The following MRPL3 variants were observed in gnomAD, a reference collection of about 807,000 sequenced individuals.
The protein encoded by MRPL3 is mitochondrial ribosomal protein L3, also known as large ribosomal subunit protein uL3m.
A neutral mutation model predicts 44.3 loss-of-function variants in MRPL3; 43 were observed. The observed-to-expected ratio is 0.97, with a 90% confidence interval of 0.76 to 1.25. The LOEUF (loss-of-function observed/expected upper bound fraction) is 1.25, where lower values mean the gene tolerates loss of function less well. MRPL3 is among the 50% of genes most tolerant of loss of function. The pLI, the probability that MRPL3 is intolerant of heterozygous loss-of-function variation, is 0.00. For synonymous variants in MRPL3, 171 were observed against 152.3 expected (o/e 1.12, Z -0.91); for missense variants, 406 against 427.6 (o/e 0.95, Z 0.45).
intron 6 of MRPL3, among the ~76,000 whole-genome samples, chr3:131,478,098 C>A (rs1933895807): frequency 6.6e-6 from 1 of 152,166 alleles, no homozygotes; most frequent in Non-Finnish European, 1.5e-5. Flanking sequence ...GCTGTAATGG[C>A]AGAATAAGTT....
In MRPL3 at chr3:131,470,782, T is replaced by C. The variant is rs541333337; in HGVS notation, c.738+389A>G. ...CCATTTTCATACTTTAACGCCCTTTTCCAACAGTGAGAAACCTAGCTCCAT... is the reference window on the plus strand; with the variant it reads ...CCATTTTCATACTTTAACGCCCTTTCCCAACAGTGAGAAACCTAGCTCCAT... On this transcript the variant is annotated intron_variant, in intron 7 of 9. Coordinates refer to ENST00000264995, the MANE Select transcript of MRPL3 (RefSeq NM_007208.4). Among the ~76,000 whole-genome samples, 9 of 152,272 alleles carry C rather than the reference T, an allele frequency of 5.9e-5. No individual in the cohort carries two copies. In the South Asian group the frequency reaches 1.2e-3, roughly 21 times the overall value.
intron 4 of MRPL3, among the ~76,000 whole-genome samples, chr3:131,496,762 T>A (rs1158345713): frequency 6.6e-6 from 1 of 152,210 alleles, no homozygotes; most frequent in Non-Finnish European, 1.5e-5. Context: ...TTCTATCAGA[T>A]TTTTAAAATT....
At chr3:131,499,720 G>A (rs1342399637) in intron 3 of MRPL3, among the ~76,000 whole-genome samples, 1 of 150,454 alleles carries the variant, frequency 6.6e-6, no homozygotes, top group Non-Finnish European at 1.5e-5. Flanking sequence ...TCTCTTACCA[G>A]TATCTTTCTA....
intron 6 of MRPL3, among the ~76,000 whole-genome samples, chr3:131,472,265 A>T (rs969720808): frequency 2.0e-5 from 3 of 152,222 alleles, no homozygotes; most frequent in Non-Finnish European, 1.5e-5. Context: ...GGTTGAGAAG[A>T]AACAAATGGA....
At chr3:131,467,255 T>C (rs199978992) in intron 9 of MRPL3, among the ~76,000 whole-genome samples, 7 of 129,796 alleles carry the variant, frequency 5.4e-5, no homozygotes, top group Admixed American at 1.6e-4. Flanking sequence ...CACACACACA[T>C]ACACACACAC....
intron 6 of MRPL3, among the ~76,000 whole-genome samples, chr3:131,486,568 C>A (rs1239675862): frequency 6.6e-6 from 1 of 151,606 alleles, no homozygotes; most frequent in Non-Finnish European, 1.5e-5. Flanking sequence ...ACCCATCTGA[C>A]ACAGGGCTAA....
At chr3:131,502,617 C>T in intron 1 of MRPL3, 113 bp downstream of exon 1, 1 of 798,978 alleles carries the variant, frequency 1.3e-6, no homozygotes, top group Non-Finnish European at 2.0e-6. Flanking sequence ...TTCTGTGTCC[C>T]ACGTCTCAAC....
chr3:131,491,482 C>T (rs1009991417), intron 4 of MRPL3, among the ~76,000 whole-genome samples: 4 of 152,140 alleles, frequency 2.6e-5, no homozygotes, highest in African/African-American at 9.7e-5. Flanking sequence ...ATCTCCACTT[C>T]AATGTCATAT....
chr3:131,476,872 G>GTTAA (rs1179194690), intron 6 of MRPL3, among the ~76,000 whole-genome samples: 19 of 152,242 alleles, frequency 1.2e-4, no homozygotes, highest in African/African-American at 4.6e-4. Flanking sequence ...GGAAGACAGG[G>GTTAA]GATTAAGTCT....
intron 4 of MRPL3, among the ~76,000 whole-genome samples, chr3:131,496,360 A>G (rs982481842): frequency 2.6e-5 from 4 of 152,258 alleles, no homozygotes; most frequent in African/African-American, 9.6e-5. Context: ...ACTGTTAAGA[A>G]TAGCAGGACA....
intron 6 of MRPL3, among the ~76,000 whole-genome samples, chr3:131,475,874 T>G (rs1219056694): frequency 6.6e-6 from 1 of 152,196 alleles, no homozygotes. Flanking sequence ...AAAGAGTAAT[T>G]TGAACTTACC....
Position 131,501,619 on chromosome 3 carries a change from C to A in MRPL3, c.189G>T (p.Gln63His), listed in dbSNP as rs762927506. 4.3e-6 allele frequency: 7 copies of A among 1,612,750 alleles called. No individual in the cohort carries two copies. The Admixed American group carries it at 5.0e-5, about 12-fold the overall frequency. The part of the protein sequence containing the change: ...LSEENVPFIK[Q>H]LVSDEDKAQL... ...GGGCTTTATCTTCATCAGAGACCAA[C>A]TGCTTAATGAATGGGACATTTTCTT... The change falls in exon 2 of 10, where the codon CAG becomes CAT. Residue 63 changes from glutamine to histidine, a missense_variant. By Grantham distance (24) the Gln-to-His change is conservative (BLOSUM62 0). Transcript: ENST00000264995.
intron 3 of MRPL3, among the ~76,000 whole-genome samples, chr3:131,498,820 C>T (rs1934430301): frequency 1.3e-5 from 2 of 151,936 alleles, no homozygotes; most frequent in Admixed American, 6.6e-5. Flanking sequence ...ATCCCAAAAG[C>T]CCGTGTGTGT....
chr3:131,469,557 C>T (rs1040004725), intron 8 of MRPL3, 139 bp downstream of exon 8: 2 of 534,482 alleles, frequency 3.7e-6, no homozygotes, highest in Non-Finnish European at 6.6e-6. Context: ...CACACACACA[C>T]AATTCATGTA....
intron 6 of MRPL3, among the ~76,000 whole-genome samples, chr3:131,479,660 A>C (rs1044452954): frequency 1.3e-5 from 2 of 152,164 alleles, no homozygotes; most frequent in Non-Finnish European, 2.9e-5. Context: ...CCTGGATAAC[A>C]CGGTGAAACC....
chr3:131,489,970 C>G lies in MRPL3; in HGVS notation c.568+11G>C. The G allele has an allele frequency of 1.9e-6, 3 of 1,566,200 alleles. No homozygotes were observed. Among genetic ancestry groups the G allele is most frequent in the Non-Finnish European group, 2.6e-6 (3 of 1,138,418 alleles). The stretch of plus-strand genomic sequence containing the variant: ...ATTTTTACCTCCCTCCTCTCCCCAA[C>G]CTCAAATTACCTGGTTTAATTGCAG... On this transcript the variant is annotated intron_variant, in intron 5 of 9. Transcript: ENST00000264995.
intron 5 of MRPL3, 148 bp downstream of exon 5, chr3:131,489,833 A>G: frequency 1.9e-6 from 1 of 529,888 alleles, no homozygotes; most frequent in Admixed American, 3.2e-5. Flanking sequence ...CTAAAAAAAA[A>G]AAAAAACAAA....
chr3:131,490,789 G>A lies in MRPL3; in HGVS notation c.469-709C>T, dbSNP rs150445853. Among the ~76,000 whole-genome samples the A allele has an allele frequency of 6.3e-3, 965 of 152,264 alleles. 4 individuals are homozygous for A. Among genetic ancestry groups the A allele is most frequent in the Non-Finnish European group, 0.01 (709 of 67,998 alleles). On this transcript the variant is annotated intron_variant, in intron 4 of 9. Transcript: ENST00000264995. ...TGGAGAGCTTCTGGAAAATGCCAACGGCAAGGGCCCTCTGCTTAGAGATTG... is the reference window on the plus strand; with the variant it reads ...TGGAGAGCTTCTGGAAAATGCCAACAGCAAGGGCCCTCTGCTTAGAGATTG...
chr3:131,502,471 G>A (rs1209610326), intron 1 of MRPL3, among the ~76,000 whole-genome samples: 4 of 152,222 alleles, frequency 2.6e-5, no homozygotes, highest in Non-Finnish European at 4.4e-5. Flanking sequence ...CTTAGTACCT[G>A]GCAAACGCTC....
Sources: allele counts gnomAD v4.1 joint callset (sites outside exome capture counted in the v4.1 genomes callset), GRCh38; gene constraint gnomAD v4.1.1; transcripts MANE v1.5; gene names NCBI Gene and HGNC (gene_info 2026-07-23, HGNC 2026-07-21).